Variants in PLCE1 observed in about 807,000 individuals in gnomAD.
PLCE1 encodes the protein 1-phosphatidylinositol 4,5-bisphosphate phosphodiesterase epsilon-1.
PLCE1 carries 119 observed loss-of-function variants against 242.8 expected under a neutral mutation model. The ratio of observed to expected loss-of-function variants is 0.49; its 90% CI spans 0.42 to 0.57. The LOEUF (loss-of-function observed/expected upper bound fraction) is 0.57. Among genes scored for constraint, PLCE1 ranks in the 20% least tolerant of loss-of-function variants. The pLI, the probability that PLCE1 is intolerant of heterozygous loss-of-function variation, is 0.00. For synonymous variants in PLCE1, 945 were observed against 1,017.4 expected (o/e 0.93, Z 1.35); for missense variants, 2,441 against 2,788.8 (o/e 0.88, Z 2.81).
chr10:94,313,753 A>G (rs2053469538), intron 28 of PLCE1, among the ~76,000 whole-genome samples: 1 of 132,866 alleles, frequency 7.5e-6, no homozygotes, highest in East Asian at 3.0e-4. Flanking sequence ...TCACGCAGAG[A>G]TTATTAATCA....
intron 3 of PLCE1, among the ~76,000 whole-genome samples, chr10:94,164,906 AC>A (rs2047741087): frequency 6.6e-6 from 1 of 152,066 alleles, no homozygotes; most frequent in Non-Finnish European, 1.5e-5. Context: ...TCCACTCTGG[AC>A]CCTGTTTGCC....
At chr10:94,169,594 G>A (rs752185733) in intron 3 of PLCE1, among the ~76,000 whole-genome samples, 5 of 152,162 alleles carry the variant, frequency 3.3e-5, no homozygotes, top group Non-Finnish European at 7.3e-5. Flanking sequence ...AGAAACAGTC[G>A]AATGACTGTG....
intron 26 of PLCE1, among the ~76,000 whole-genome samples, chr10:94,307,567 G>A (rs1393356405): frequency 1.3e-5 from 2 of 152,148 alleles, no homozygotes; most frequent in East Asian, 1.9e-4. Context: ...GTATTTCCTC[G>A]CAGTTCTGAA....
rs961885815 is a variant in PLCE1, at chr10:94,332,752, T to C, written c.*4809T>C. 1.3e-5 allele frequency: 2 copies of C among 152,168 alleles called. No homozygotes were observed. The highest frequency in any genetic ancestry group is 4.8e-5 in the African/African-American group (2 of 41,430). The allele number at this position is 152,168 out of a possible 1,614,324, so 9.4% of individuals were successfully genotyped here. ...TTAAGCTGATTTTTCACCAGAAGTATAGTTTCTGCTGCCAAAGTAAAGTAT... is the reference window on the plus strand; with the variant it reads ...TTAAGCTGATTTTTCACCAGAAGTACAGTTTCTGCTGCCAAAGTAAAGTAT... On this transcript the variant is annotated 3_prime_UTR_variant, in exon 33 of 33. Transcript: ENST00000371380.
At chr10:94,167,797 C>T (rs1229014286) in intron 3 of PLCE1, among the ~76,000 whole-genome samples, 1 of 151,202 alleles carries the variant, frequency 6.6e-6, no homozygotes, top group Non-Finnish European at 1.5e-5. Context: ...CCAGCTTCAT[C>T]CATGTCCCTA....
intron 3 of PLCE1, chr10:94,138,754 C>T (rs971619788): frequency 8.5e-6 from 2 of 235,180 alleles, no homozygotes; most frequent in Admixed American, 1.1e-4. Context: ...ATAATGACTA[C>T]TTCAAATACT....
chr10:94,132,209 T>C lies in PLCE1; in HGVS notation c.1242T>C (p.Asn414=), dbSNP rs1354003405. Residue 414 remains asparagine (N), a synonymous_variant, in exon 3 of 33, where the codon AAT becomes AAC. Coordinates refer to ENST00000371380, the MANE Select transcript of PLCE1 (RefSeq NM_016341.4). ...CAGTGAGAAGAGAAGAAACAGAAAA[T>C]ACAGTTGGATCTCTACTCCATTTCC... is the stretch of plus-strand genomic sequence containing the variant. ...YNAVRREETE[N]TVGSLLHFLT... is the part of the protein sequence containing the mutation. 5 of 1,614,056 alleles carry C rather than the reference T, an allele frequency of 3.1e-6. No individual in the cohort carries two copies. The highest frequency in any genetic ancestry group is 4.2e-6 in the Non-Finnish European group (5 of 1,179,980).
chr10:94,052,547 T>G (rs962228084), intron 2 of PLCE1, among the ~76,000 whole-genome samples: 8 of 152,234 alleles, frequency 5.3e-5, no homozygotes, highest in Admixed American at 4.6e-4. Context: ...TAAAAACATA[T>G]CTAGACTCCA....
intron 2 of PLCE1, among the ~76,000 whole-genome samples, chr10:94,060,786 T>A (rs2044033250): frequency 6.6e-6 from 1 of 150,820 alleles, no homozygotes; most frequent in Non-Finnish European, 1.5e-5. Context: ...AGCCTCAACC[T>A]CCCAGGCTCA....
intron 2 of PLCE1, among the ~76,000 whole-genome samples, chr10:94,091,045 A>G (rs971286928): frequency 6.6e-6 from 1 of 152,160 alleles, no homozygotes; most frequent in Non-Finnish European, 1.5e-5. Context: ...AGACCAAAAA[A>G]TATATATATA....
chr10:94,175,285 CAAAATCTCCTGT>C (rs1417932533), intron 4 of PLCE1, among the ~76,000 whole-genome samples: 1 of 152,048 alleles, frequency 6.6e-6, no homozygotes, highest in East Asian at 1.9e-4. Flanking sequence ...TATTTCTTTT[CAAAATCTCCTGT>C]GTGTCTATCT....
At chr10:94,064,542 A>C (rs2044147488) in intron 2 of PLCE1, among the ~76,000 whole-genome samples, 1 of 152,116 alleles carries the variant, frequency 6.6e-6, no homozygotes, top group African/African-American at 2.4e-5. Flanking sequence ...ACTCTGTCTC[A>C]AAAAAATAAT....
At chr10:94,296,785 G>A (rs2052836143) in intron 23 of PLCE1, among the ~76,000 whole-genome samples, 1 of 152,078 alleles carries the variant, frequency 6.6e-6, no homozygotes, top group Non-Finnish European at 1.5e-5. Flanking sequence ...TTAGCTAAAT[G>A]TTTATCGCAA....
intron 1 of PLCE1, among the ~76,000 whole-genome samples, chr10:94,024,253 A>G (rs899756293): frequency 5.3e-5 from 8 of 152,204 alleles, no homozygotes; most frequent in African/African-American, 1.9e-4. Context: ...GTTGTTATAT[A>G]CAGATACTCA....
At chr10:94,292,885 T>C (rs2052688945) in intron 22 of PLCE1, among the ~76,000 whole-genome samples, 1 of 152,222 alleles carries the variant, frequency 6.6e-6, no homozygotes, top group African/African-American at 2.4e-5. Flanking sequence ...TCAGCAAATA[T>C]GTATTCAGTT....
At chr10:94,014,968 G>A (rs2061251313) in intron 1 of PLCE1, among the ~76,000 whole-genome samples, 1 of 152,218 alleles carries the variant, frequency 6.6e-6, no homozygotes, top group South Asian at 2.1e-4. Context: ...AAGACTATTA[G>A]CCAGGGTGGA....
intron 2 of PLCE1, among the ~76,000 whole-genome samples, chr10:94,033,716 C>T (rs1589888038): frequency 6.6e-6 from 1 of 152,052 alleles, no homozygotes; most frequent in Non-Finnish European, 1.5e-5. Flanking sequence ...AGGACAGTGC[C>T]ATGTGCCATC....
chr10:94,038,990 G>A (rs933857524), intron 2 of PLCE1, among the ~76,000 whole-genome samples: 3 of 152,016 alleles, frequency 2.0e-5, no homozygotes, highest in Non-Finnish European at 4.4e-5. Flanking sequence ...CATACTGTTT[G>A]GTCTTGTGAC....
intron 32 of PLCE1, among the ~76,000 whole-genome samples, chr10:94,327,393 G>A (rs528717345): frequency 1.6e-4 from 25 of 151,860 alleles, no homozygotes; most frequent in East Asian, 3.9e-4. Flanking sequence ...TCAGGAGTTC[G>A]AGACCAGCCT....
Sources: allele counts gnomAD v4.1 joint callset (sites outside exome capture counted in the v4.1 genomes callset), GRCh38; gene constraint gnomAD v4.1.1; transcripts MANE v1.5; gene names NCBI Gene and HGNC (gene_info 2026-07-23, HGNC 2026-07-21).